Variants in BTD observed in about 807,000 individuals in gnomAD.
The protein encoded by BTD is biocytinase.
Under a neutral mutation model 17.7 loss-of-function variants are expected in BTD, and 13 were observed. That is an observed-to-expected ratio of 0.74 (90% CI 0.48 to 1.17). The LOEUF is 1.17. BTD is among the 50% of genes most tolerant of loss of function. The probability of loss-of-function intolerance (pLI) is 0.00; values close to 1 mark genes in which losing one functional copy is unlikely to be tolerated. For synonymous variants in BTD, 240 were observed against 245.2 expected, an observed-to-expected ratio of 0.98 and a Z score of 0.20; for missense variants, 674 against 650.4, an observed-to-expected ratio of 1.04 and a Z score of -0.39.
Position 15,649,381 on chromosome 3 carries a change from C to G in BTD, c.*3893C>G, listed in dbSNP as rs1186215988. ...TCTTATTGAGTTACACAGGTCAGCC[C>G]TGCTCCCTATGGAAAGAGACAGAGG... On this transcript the variant is annotated 3_prime_UTR_variant, in exon 4 of 4. Coordinates refer to ENST00000643237, the MANE Select transcript of BTD (RefSeq NM_001370658.1). 1.3e-5 allele frequency among the ~76,000 whole-genome samples: 2 copies of G among 152,224 alleles called. No homozygotes were observed. The highest frequency in any genetic ancestry group is 4.8e-5 in the African/African-American group (2 of 41,452).
chr3:15,699,070 C>T (rs935183566), intron 3 of BTD, among the ~76,000 whole-genome samples: 7 of 152,072 alleles, frequency 4.6e-5, no homozygotes, highest in Admixed American at 3.9e-4. Context: ...AGAACAGAGG[C>T]CTCAGAAATA....
intron 2 of BTD, among the ~76,000 whole-genome samples, chr3:15,637,600 T>G (rs533607300): frequency 2.0e-5 from 3 of 152,254 alleles, no homozygotes; most frequent in African/African-American, 7.2e-5. Context: ...ACACCTCATT[T>G]ATGTCTATGC....
chr3:15,633,921 A>T (rs2065278359), intron 1 of BTD, among the ~76,000 whole-genome samples: 1 of 152,222 alleles, frequency 6.6e-6, no homozygotes, highest in African/African-American at 2.4e-5. Flanking sequence ...TCAAAAACTC[A>T]TGACTGCTCA....
At chr3:15,677,569 G>A (rs757446419) in intron 3 of BTD, 2 of 1,597,622 alleles carry the variant, frequency 1.3e-6, no homozygotes, top group South Asian at 2.2e-5. Context: ...ATCTCTGGGA[G>A]GAAAAAGTGC....
chr3:15,713,866 T>C (rs893873836), downstream of BTD, among the ~76,000 whole-genome samples: 4 of 152,216 alleles, frequency 2.6e-5, no homozygotes, highest in Admixed American at 6.5e-5. Flanking sequence ...GATTTTTAAA[T>C]TGACAAGAGG....
At position 15,635,014 on chromosome 3, in the gene BTD, T is replaced by C. The variant is rs1466508555; in HGVS notation, c.-16-410T>C. On this transcript the variant is annotated intron_variant, in intron 1 of 3. Transcript: ENST00000643237. This position sits in a 1 kb window ranked among gnomAD's most constrained non-coding sequence, Gnocchi z 4.1. ...ACAGACATTACGGATGGCTGACCTG[T>C]AGTATGGATAGAGGGCAGAGGGTAG... Among the ~76,000 whole-genome samples, 1 of 130,032 alleles carries C rather than the reference T, an allele frequency of 7.7e-6. No homozygotes were observed. The highest frequency in any genetic ancestry group is 3.5e-5 in the African/African-American group (1 of 28,180). The allele number at this position is 130,032 out of a possible 152,430, so 85.3% of individuals were successfully genotyped here.
intron 3 of BTD, among the ~76,000 whole-genome samples, chr3:15,709,454 G>T (rs1452518099): frequency 1.3e-5 from 2 of 152,146 alleles, no homozygotes; most frequent in Admixed American, 6.6e-5. Context: ...CCAAGGCTGT[G>T]GTTGGTAGGC....
intron 1 of BTD, among the ~76,000 whole-genome samples, chr3:15,630,588 A>G (rs1167143716): frequency 6.6e-6 from 1 of 152,222 alleles, no homozygotes; most frequent in Non-Finnish European, 1.5e-5. Context: ...CCTAGGATAA[A>G]TTATTCTAGC....
At position 15,649,107 on chromosome 3, in the gene BTD, G is replaced by A. The variant is rs2065756699; in HGVS notation, c.*3619G>A. Among the ~76,000 whole-genome samples, 1 of 152,182 alleles carries A rather than the reference G, an allele frequency of 6.6e-6. No individual in the cohort carries two copies. Among genetic ancestry groups the A allele is most frequent in the Non-Finnish European group, 1.5e-5 (1 of 68,044 alleles). ...ACCCAGTTCAGGGTACTTTGATATG[G>A]CAGACCTAGGAAACAAATACAGAGG... On this transcript the variant is annotated 3_prime_UTR_variant, in exon 4 of 4. Coordinates refer to ENST00000643237, the MANE Select transcript of BTD (RefSeq NM_001370658.1).
chr3:15,605,685 C>T (rs1396555974), intron 1 of BTD, among the ~76,000 whole-genome samples: 1 of 151,928 alleles, frequency 6.6e-6, no homozygotes, highest in Non-Finnish European at 1.5e-5. Context: ...TCTATGAAAT[C>T]ACCACCCAAA....
At chr3:15,692,543 T>G (rs1374523578) in intron 3 of BTD, among the ~76,000 whole-genome samples, 1 of 152,254 alleles carries the variant, frequency 6.6e-6, no homozygotes. Flanking sequence ...CCCCCCATGA[T>G]ATCCTTGTAT....
intron 1 of BTD, among the ~76,000 whole-genome samples, chr3:15,632,154 C>T (rs919853416): frequency 6.6e-6 from 1 of 152,192 alleles, no homozygotes; most frequent in African/African-American, 2.4e-5. Flanking sequence ...ACATCACCCT[C>T]TCATCGAGGT....
chr3:15,692,704 C>A (rs559710430), intron 3 of BTD, among the ~76,000 whole-genome samples: 1 of 152,184 alleles, frequency 6.6e-6, no homozygotes, highest in South Asian at 2.1e-4. Flanking sequence ...CTTCTGAAAA[C>A]CTCCTAGAGA....
rs1311382762 is a variant in BTD, at chr3:15,652,669, A to G, written c.*7181A>G. Among the ~76,000 whole-genome samples the G allele has an allele frequency of 6.6e-6, 1 of 152,254 alleles. No individual in the cohort carries two copies. Among genetic ancestry groups the G allele is most frequent in the Non-Finnish European group, 1.5e-5 (1 of 68,054 alleles). Reference sequence around the variant, plus strand: ...ATCCTAGGTTTTGAGGTAATTTATTATACAGCAATAGAAAACTAATACAAT... The same window carrying G: ...ATCCTAGGTTTTGAGGTAATTTATTGTACAGCAATAGAAAACTAATACAAT... On this transcript the variant is annotated 3_prime_UTR_variant, in exon 4 of 4. Transcript: ENST00000643237.
At chr3:15,608,957 G>A (rs745892500) in intron 1 of BTD, among the ~76,000 whole-genome samples, 2 of 151,944 alleles carry the variant, frequency 1.3e-5, no homozygotes, top group Non-Finnish European at 2.9e-5. Flanking sequence ...TTTTTAATTT[G>A]TACTTTATTG....
chr3:15,602,568 A>G (rs1504099), intron 1 of BTD, among the ~76,000 whole-genome samples: 20,410 of 152,138 alleles, frequency 0.13, 1,802 homozygotes, highest in East Asian at 0.37. Flanking sequence ...CAATTGTAAT[A>G]AACAGTGGAA....
chr3:15,661,864 C>T (rs2065928839), intron 3 of BTD, among the ~76,000 whole-genome samples: 1 of 152,278 alleles, frequency 6.6e-6, no homozygotes, highest in South Asian at 2.1e-4. Context: ...ATTATTCCAG[C>T]ACCATTTGTT....
At chr3:15,610,776 G>A (rs2064597248) in intron 1 of BTD, among the ~76,000 whole-genome samples, 1 of 152,116 alleles carries the variant, frequency 6.6e-6, no homozygotes, top group Admixed American at 6.5e-5. Flanking sequence ...GGATGGAAGA[G>A]GAACCTTTAG....
At chr3:15,620,755 C>T (rs1302990880) in intron 1 of BTD, among the ~76,000 whole-genome samples, 6 of 152,226 alleles carry the variant, frequency 3.9e-5, no homozygotes, top group South Asian at 4.1e-4. Context: ...GTTCCTCTGC[C>T]GCAGCTCCAG....
Sources: gnomAD v4.1 joint callset for allele counts (sites outside exome capture counted in the v4.1 genomes callset) on GRCh38, gnomAD v4.1.1 for gene constraint, Gnocchi (gnomAD v3.1) non-coding constraint, MANE v1.5 for transcripts, NCBI Gene and HGNC (gene_info 2026-07-23, HGNC 2026-07-21) for gene names.